RP1: variants seen among roughly 807,000 people sequenced by gnomAD.
RP1 encodes the protein oxygen-regulated protein 1.
In RP1, 16 loss-of-function variants were observed where a neutral mutation model predicts 14.8. That is an observed-to-expected ratio of 1.08 (90% CI 0.73 to 1.65). The LOEUF (loss-of-function observed/expected upper bound fraction) is 1.65. Among genes scored for constraint, RP1 ranks in the 40% most tolerant of loss-of-function variants. RP1 has a pLI of 0.00. For missense variants in RP1, 2,631 were observed against 2,535.0 expected, an observed-to-expected ratio of 1.04 and a Z score of -0.81; for synonymous variants, 876 against 883.6, an observed-to-expected ratio of 0.99 and a Z score of 0.15.
intron 1 of RP1, among the ~76,000 whole-genome samples, chr8:54,601,613 G>C (rs1171476315): frequency 7.5e-6 from 1 of 133,044 alleles, no homozygotes; most frequent in African/African-American, 2.9e-5. Context: ...AAAAAAAAAA[G>C]AAAGAAGCGA....
At chr8:54,651,320 C>T (rs965053656) in intron 4 of RP1, among the ~76,000 whole-genome samples, 6 of 152,028 alleles carry the variant, frequency 3.9e-5, no homozygotes, top group African/African-American at 1.2e-4. Context: ...AGTATTTCCA[C>T]CTCTTTTTTG....
Position 54,627,300 on chromosome 8 carries a change from G to T in RP1, c.3418G>T (p.Gly1140Ter). ...LAWLLVLNLK[G>*]SMNSFCQVDA... The stretch of plus-strand genomic sequence containing the variant: ...TTGGCTCTTGGTGCTAAACCTAAAG[G>T]GAAGTATGAATAGCTTCTGTCAAGT... Residue 1140 changes from glycine (G) to a stop codon, truncating the protein, a stop_gained, in exon 4 of 4, where the codon GGA (glycine) becomes TGA (stop). Coordinates refer to ENST00000220676, the MANE Select transcript of RP1 (RefSeq NM_006269.2). LOFTEE classifies it low-confidence loss of function (END_TRUNC). 6.2e-7 allele frequency: 1 copy of T among 1,614,072 alleles called. No homozygotes were observed. The highest frequency in any genetic ancestry group is 8.5e-7 in the Non-Finnish European group (1 of 1,179,972).
chr8:54,709,284 TG>T (rs1315917181), intron 15 of RP1, among the ~76,000 whole-genome samples: 1 of 152,170 alleles, frequency 6.6e-6, no homozygotes, highest in African/African-American at 2.4e-5. Context: ...GGCTCTGAAA[TG>T]GGTGGGAGAA....
At position 54,803,641 on chromosome 8, in the gene RP1, G is replaced by A. The variant is rs2129390009; in HGVS notation, c.3615+19931G>A. ...ATTTACTATTACAAAGGATTTCCAGGGTATATTATGTAGTGAAAAAAGGTA... is the reference window on the plus strand; with the variant it reads ...ATTTACTATTACAAAGGATTTCCAGAGTATATTATGTAGTGAAAAAAGGTA... On this transcript the variant is annotated intron_variant, in intron 24 of 28. Coordinates refer to the RP1 transcript ENST00000637698. Among the ~76,000 whole-genome samples the A allele has an allele frequency of 2.0e-5, 3 of 151,892 alleles. No homozygotes were observed. In the Middle Eastern group the frequency reaches 0.01, roughly 517 times the overall value.
At chr8:54,657,209 A>T (rs1806774106) in intron 6 of RP1, among the ~76,000 whole-genome samples, 1 of 152,152 alleles carries the variant, frequency 6.6e-6, no homozygotes, top group South Asian at 2.1e-4. Flanking sequence ...ATCAGCCCAC[A>T]CGTTTCACCT....
At chr8:54,814,922 T>A (rs969431158) in intron 24 of RP1, among the ~76,000 whole-genome samples, 1 of 152,348 alleles carries the variant, frequency 6.6e-6, no homozygotes, top group Admixed American at 6.5e-5. Flanking sequence ...TTTGTGAGAA[T>A]GGCTTGAACC....
At chr8:54,692,764 G>C (rs140217575) in intron 12 of RP1, among the ~76,000 whole-genome samples, 3 of 148,594 alleles carry the variant, frequency 2.0e-5, no homozygotes, top group East Asian at 2.0e-4. Flanking sequence ...CCATTCTGTA[G>C]GTTGCCTGTT....
chr8:54,791,968 A>C (rs1810475110), intron 24 of RP1, among the ~76,000 whole-genome samples: 1 of 152,082 alleles, frequency 6.6e-6, no homozygotes, highest in Admixed American at 6.5e-5. Flanking sequence ...TAGGGGACTC[A>C]CTTTAGCTTT....
At chr8:54,684,125 T>G (rs1807498349) in intron 12 of RP1, among the ~76,000 whole-genome samples, 1 of 152,114 alleles carries the variant, frequency 6.6e-6, no homozygotes, top group African/African-American at 2.4e-5. Flanking sequence ...TATTGATTTT[T>G]GTATGTTGAA....
Position 54,629,980 on chromosome 8 carries a change from G to A in RP1, c.6098G>A (p.Cys2033Tyr), listed in dbSNP as rs61739567. ...KFQPDLKERF[C>Y]MNFLHTSLLV... ...CAACCAGATTTGAAGGAAAGGTTTT[G>A]TATGAATTTCTTGCACACATCATTG... The change falls in exon 4 of 4, where the codon TGT (cysteine) becomes TAT (tyrosine). Residue 2033 changes from cysteine (C) to tyrosine (Y), a missense_variant. Cys to Tyr is a radical substitution (Grantham distance 194). Transcript: ENST00000220676. 0.38 allele frequency: 612,193 copies of A among 1,613,544 alleles called. 123,843 individuals are homozygous for A. Among genetic ancestry groups the A allele is most frequent in the Middle Eastern group, 0.47 (2,822 of 6,058 alleles).
intron 24 of RP1, among the ~76,000 whole-genome samples, chr8:54,818,294 T>A (rs1395723548): frequency 6.6e-6 from 1 of 152,254 alleles, no homozygotes; most frequent in Non-Finnish European, 1.5e-5. Context: ...ATGGATTCAA[T>A]AAATAGTGTC....
chr8:54,805,310 T>C (rs1172840227), intron 24 of RP1, among the ~76,000 whole-genome samples: 1 of 152,248 alleles, frequency 6.6e-6, no homozygotes, highest in Non-Finnish European at 1.5e-5. Context: ...TTTCTATCTC[T>C]AAGCTATCTT....
At chr8:54,592,143 C>A (rs990509004) in intron 1 of RP1, among the ~76,000 whole-genome samples, 1 of 152,224 alleles carries the variant, frequency 6.6e-6, no homozygotes, top group Non-Finnish European at 1.5e-5. Flanking sequence ...GGGATTCTTA[C>A]AATTTGAATC....
chr8:54,768,161 G>A (rs1563370636), intron 22 of RP1, among the ~76,000 whole-genome samples: 2 of 152,188 alleles, frequency 1.3e-5, no homozygotes. Context: ...ATTGGACTCT[G>A]TACCTTTGCC....
chr8:54,816,160 A>AG (rs1352319271), intron 24 of RP1, among the ~76,000 whole-genome samples: 57 of 152,298 alleles, frequency 3.7e-4, no homozygotes, highest in African/African-American at 1.3e-3. Context: ...ATGAGAGAAA[A>AG]GGGAAAAGTA....
intron 22 of RP1, among the ~76,000 whole-genome samples, chr8:54,767,642 G>A (rs936502841): frequency 1.3e-5 from 2 of 152,148 alleles, no homozygotes; most frequent in Non-Finnish European, 2.9e-5. Context: ...TTACAGGTGT[G>A]AGCCACCTTG....
chr8:54,775,230 G>C (rs1379621873), intron 23 of RP1, among the ~76,000 whole-genome samples: 1 of 152,162 alleles, frequency 6.6e-6, no homozygotes, highest in Non-Finnish European at 1.5e-5. Context: ...GTGGGAGACT[G>C]TTTGCTAAAA....
At chr8:54,611,974 C>A (rs953855127), upstream of RP1, among the ~76,000 whole-genome samples, 5 of 148,974 alleles carry the variant, frequency 3.4e-5, no homozygotes, top group African/African-American at 1.2e-4. Flanking sequence ...TGCCAAGGAT[C>A]AGCCTGCAGT....
intron 12 of RP1, chr8:54,696,687 ATGGTGTGATTTTAC>A: frequency 1.4e-6 from 1 of 737,142 alleles, no homozygotes; most frequent in East Asian, 2.5e-5. Context: ...AAAAGGATTG[ATGGTGTGATTTTAC>A]TGGTGCAGAG....
Sources: allele counts gnomAD v4.1 joint callset (sites outside exome capture counted in the v4.1 genomes callset), GRCh38; gene constraint gnomAD v4.1.1; transcripts MANE v1.5; gene names NCBI Gene and HGNC (gene_info 2026-07-23, HGNC 2026-07-21).